The following GPC5 variants were observed in gnomAD, a reference collection of about 807,000 sequenced individuals.
GPC5 encodes the protein glypican-5.
Under a neutral mutation model 53.9 loss-of-function variants are expected in GPC5, and 47 were observed. That is an observed-to-expected ratio of 0.87 (90% CI 0.69 to 1.11). GPC5 has a LOEUF of 1.11. GPC5 is among the 50% of genes most tolerant of loss of function. The probability of loss-of-function intolerance (pLI) is 0.00; values close to 1 mark genes in which losing one functional copy is unlikely to be tolerated. For synonymous variants in GPC5, 286 were observed against 263.3 expected, an observed-to-expected ratio of 1.09 and a Z score of -0.84; for missense variants, 748 against 713.1, an observed-to-expected ratio of 1.05 and a Z score of -0.56.
intron 7 of GPC5, among the ~76,000 whole-genome samples, chr13:92,214,266 G>A (rs2042395117): frequency 6.6e-6 from 1 of 152,084 alleles, no homozygotes; most frequent in Admixed American, 6.6e-5. Context: ...AATTTTGGTA[G>A]TTTCTTACAA....
intron 7 of GPC5, among the ~76,000 whole-genome samples, chr13:92,550,772 A>G (rs1882284971): frequency 6.6e-6 from 1 of 151,912 alleles, no homozygotes; most frequent in Non-Finnish European, 1.5e-5. Context: ...TGTATACATC[A>G]TTATCAGCAG....
intron 6 of GPC5, among the ~76,000 whole-genome samples, chr13:92,043,163 G>A (rs370105163): frequency 4.6e-5 from 7 of 152,098 alleles, no homozygotes; most frequent in South Asian, 2.1e-4. Context: ...TTTAATGAGC[G>A]TTACCAAAAG....
At chr13:92,852,979 GTCTAA>G (rs1177229507) in intron 7 of GPC5, among the ~76,000 whole-genome samples, 3 of 152,150 alleles carry the variant, frequency 2.0e-5, no homozygotes, top group African/African-American at 7.2e-5. Flanking sequence ...GATCACACTT[GTCTAA>G]CAATTGCTGA....
chr13:91,643,425 T>C (rs1057488066), intron 2 of GPC5, among the ~76,000 whole-genome samples: 3 of 152,162 alleles, frequency 2.0e-5, no homozygotes, highest in Non-Finnish European at 4.4e-5. Context: ...AATTGAGATA[T>C]GCTATGATGT....
chr13:91,674,553 G>A lies in GPC5; in HGVS notation c.326-18634G>A, dbSNP rs531272216. On this transcript the variant is annotated intron_variant, in intron 2 of 7. Transcript: ENST00000377067. The stretch of plus-strand genomic sequence containing the variant: ...TGTGTATATATACGCATATATATGC[G>A]TATGTGTATATATACGCATATATAT... Among the ~76,000 whole-genome samples, 8 of 147,140 alleles carry A rather than the reference G, an allele frequency of 5.4e-5. No homozygotes were observed. The South Asian group carries it at 6.4e-4, about 12-fold the overall frequency.
intron 5 of GPC5, among the ~76,000 whole-genome samples, chr13:91,853,340 T>C (rs1221823336): frequency 1.3e-5 from 2 of 152,024 alleles, no homozygotes; most frequent in East Asian, 3.9e-4. Flanking sequence ...TAAAATATCA[T>C]AGTTGATATG....
chr13:92,447,174 G>C (rs1021598109), intron 7 of GPC5: 16 of 152,100 alleles, frequency 1.1e-4, no homozygotes, highest in Admixed American at 1.0e-3. Flanking sequence ...TTGGTTGCCT[G>C]TGCTTATAAG....
chr13:91,882,670 G>GTTTTTTTTTTTTTTTTTTTTTTTTGTTT, intron 5 of GPC5, among the ~76,000 whole-genome samples: 3 of 59,322 alleles, frequency 5.1e-5, no homozygotes, highest in African/African-American at 7.1e-5. Context: ...TGTTTTTTGG[G>GTTTTTTTTTTTTTTTTTTTTTTTTGTTT]TTTTTTTTTT....
chr13:92,391,556 T>C (rs77377354), intron 7 of GPC5, among the ~76,000 whole-genome samples: 1,701 of 152,324 alleles, frequency 0.011, 29 homozygotes, highest in African/African-American at 0.038. Flanking sequence ...TATAATGGAA[T>C]ATTCCAAAGG....
intron 7 of GPC5, among the ~76,000 whole-genome samples, chr13:92,477,798 C>T (rs988408651): frequency 3.3e-5 from 5 of 152,020 alleles, no homozygotes; most frequent in Non-Finnish European, 4.4e-5. Context: ...GTTACTGTAG[C>T]GGTGTGTTGT....
chr13:92,248,307 G>T lies in GPC5; in HGVS notation c.1561+103318G>T, dbSNP rs542281455. 6.6e-5 allele frequency among the ~76,000 whole-genome samples: 10 copies of T among 152,244 alleles called. No individual in the cohort carries two copies. The East Asian group carries it at 1.5e-3, about 23-fold the overall frequency. On this transcript the variant is annotated intron_variant, in intron 7 of 7. Coordinates refer to ENST00000377067, the MANE Select transcript of GPC5 (RefSeq NM_004466.6). ...TGGTGTACCAACAAATCAAGCTTAG[G>T]TTCCTGGCAATTTGCCCACATATAA...
chr13:92,780,134 T>G (rs1414623823), intron 7 of GPC5, among the ~76,000 whole-genome samples: 1 of 152,000 alleles, frequency 6.6e-6, no homozygotes, highest in Non-Finnish European at 1.5e-5. Flanking sequence ...GAATTTTACA[T>G]TTTGGAAACA....
intron 7 of GPC5, among the ~76,000 whole-genome samples, chr13:92,676,746 C>T (rs1184137390): frequency 6.6e-6 from 1 of 152,112 alleles, no homozygotes; most frequent in Non-Finnish European, 1.5e-5. Flanking sequence ...AGAAAGAAAA[C>T]ATCTATGAAA....
intron 6 of GPC5, among the ~76,000 whole-genome samples, chr13:92,065,192 T>C (rs2041158419): frequency 6.6e-6 from 1 of 152,172 alleles, no homozygotes; most frequent in Non-Finnish European, 1.5e-5. Context: ...ACCAAATAGT[T>C]ATGAGTCTAT....
chr13:91,650,750 G>GTTTTTTTTTTTTTTTTTTGTT (rs2034683470), intron 2 of GPC5, among the ~76,000 whole-genome samples: 1 of 99,642 alleles, frequency 1.0e-5, no homozygotes, highest in African/African-American at 4.1e-5. Flanking sequence ...ATTCCCATAA[G>GTTTTTTTTTTTTTTTTTTGTT]TTTTTTTTTT....
intron 5 of GPC5, among the ~76,000 whole-genome samples, chr13:91,851,341 A>G (rs1349976718): frequency 6.6e-6 from 1 of 152,108 alleles, no homozygotes; most frequent in African/African-American, 2.4e-5. Context: ...ACACTCATAT[A>G]GGGAACTCCA....
chr13:91,618,965 A>G (rs1473157132), intron 2 of GPC5, among the ~76,000 whole-genome samples: 1 of 152,140 alleles, frequency 6.6e-6, no homozygotes, highest in Non-Finnish European at 1.5e-5. Flanking sequence ...TATTTATACT[A>G]CTACTATAGC....
rs574726360 is a variant in GPC5 at position 92,188,051 on chromosome 13, C to CT, written c.1561+43071dup. ...TGTGATATGACAGTACCTACTTTGG[C>CT]TTTTTTTTTCTCTCTCCTAGTCCCA... On this transcript the variant is annotated intron_variant, in intron 7 of 7. Transcript: ENST00000377067. Among the ~76,000 whole-genome samples the CT allele has an allele frequency of 3.8e-4, 57 of 151,566 alleles. 1 individual carries two copies. Among genetic ancestry groups the CT allele is most frequent in the Middle Eastern group, 6.8e-3 (2 of 292 alleles).
At chr13:92,192,233 A>G (rs1303515618) in intron 7 of GPC5, among the ~76,000 whole-genome samples, 1 of 152,182 alleles carries the variant, frequency 6.6e-6, no homozygotes, top group Non-Finnish European at 1.5e-5. Flanking sequence ...GTCAATTGAT[A>G]CTTTGGATGA....
Sources: gnomAD v4.1 joint callset for allele counts (sites outside exome capture counted in the v4.1 genomes callset) on GRCh38, gnomAD v4.1.1 for gene constraint, MANE v1.5 for transcripts, NCBI Gene and HGNC (gene_info 2026-07-23, HGNC 2026-07-21) for gene names.